PPP6C: variants seen among roughly 807,000 people sequenced by gnomAD.
The protein encoded by PPP6C is serine/threonine-protein phosphatase 6 catalytic subunit.
Under a neutral mutation model 39.8 loss-of-function variants are expected in PPP6C, and 11 were observed. The observed-to-expected ratio is 0.28, with a 90% CI of 0.17 to 0.46. PPP6C has a LOEUF of 0.46. PPP6C is among the 20% of genes least tolerant of loss of function. The probability of loss-of-function intolerance (pLI) is 1.00; values close to 1 mark genes in which losing one functional copy is unlikely to be tolerated. For missense variants in PPP6C, 211 were observed against 373.9 expected, an observed-to-expected ratio of 0.56 and a Z score of 3.59; for synonymous variants, 129 against 130.3, an observed-to-expected ratio of 0.99 and a Z score of 0.07.
chr9:125,186,376 A>T (rs1829530613), intron 1 of PPP6C, among the ~76,000 whole-genome samples: 1 of 152,062 alleles, frequency 6.6e-6, no homozygotes, highest in Non-Finnish European at 1.5e-5. Flanking sequence ...ACAGAAAAAA[A>T]AGTCTCTACC....
intron 1 of PPP6C, among the ~76,000 whole-genome samples, chr9:125,175,354 G>A (rs1264860331): frequency 1.3e-5 from 2 of 151,324 alleles, no homozygotes; most frequent in East Asian, 2.0e-4. Flanking sequence ...AATTACCTAC[G>A]CCGGCCGGGC....
chr9:125,189,776 C>CGGCTGT lies in PPP6C; in HGVS notation c.-59_-58insACAGCC. 3.3e-6 allele frequency: 5 copies of CGGCTGT among 1,535,760 alleles called. No individual in the cohort carries two copies. The South Asian group carries it at 3.6e-5, about 11-fold the overall frequency. ...GCGGCGGCTGTAGCAGCGGCGGCGG[C>CGGCTGT]AGCGGCGGAGGCCGAAGCCGGAACT... is the stretch of plus-strand genomic sequence containing the variant. On this transcript the variant is annotated 5_prime_UTR_variant, in exon 1 of 7. Coordinates refer to ENST00000373547, the MANE Select transcript of PPP6C (RefSeq NM_002721.5).
At chr9:125,154,367 T>C (rs1376143243) in intron 4 of PPP6C, among the ~76,000 whole-genome samples, 1 of 152,190 alleles carries the variant, frequency 6.6e-6, no homozygotes, top group Non-Finnish European at 1.5e-5. Flanking sequence ...CTAAATATCA[T>C]AAGGAAATAG....
chr9:125,164,886 G>A (rs1179287168), intron 2 of PPP6C, among the ~76,000 whole-genome samples: 1 of 152,116 alleles, frequency 6.6e-6, no homozygotes, highest in Non-Finnish European at 1.5e-5. Context: ...CTACAGTCAT[G>A]TGCCACCATG....
chr9:125,172,676 A>C (rs1167303055), intron 1 of PPP6C, among the ~76,000 whole-genome samples: 1 of 152,024 alleles, frequency 6.6e-6, no homozygotes, highest in Non-Finnish European at 1.5e-5. Flanking sequence ...AGTTGGATAC[A>C]TGAGCCCTTA....
At chr9:125,163,136 C>A (rs961971802) in intron 2 of PPP6C, among the ~76,000 whole-genome samples, 25 of 151,652 alleles carry the variant, frequency 1.6e-4, no homozygotes, top group Non-Finnish European at 2.9e-5. Flanking sequence ...GCCTTCATGA[C>A]TAACATAAGT....
chr9:125,151,656 T>C (rs1564145145), intron 6 of PPP6C: 7 of 589,050 alleles, frequency 1.2e-5, no homozygotes, highest in Non-Finnish European at 1.8e-5. Flanking sequence ...CCTTGGTATT[T>C]GATGACGAAT....
Position 125,173,368 on chromosome 9 carries a change from T to C in PPP6C, c.76-2188A>G, listed in dbSNP as rs190892834. ...TTGCAGTGAGCCGAGATTGCACCCATTGCACTCCAGCCTGGGCAGCAGAGA... is the reference window on the plus strand; with the variant it reads ...TTGCAGTGAGCCGAGATTGCACCCACTGCACTCCAGCCTGGGCAGCAGAGA... On this transcript the variant is annotated intron_variant, in intron 1 of 6. Transcript: ENST00000373547. Among the ~76,000 whole-genome samples the C allele has an allele frequency of 6.1e-3, 847 of 139,026 alleles. 3 individuals are homozygous for C. Among genetic ancestry groups the C allele is most frequent in the Non-Finnish European group, 9.4e-3 (620 of 65,956 alleles). 91.2% of individuals were successfully genotyped at this position (139,026 alleles called of 152,430 possible). A position where few individuals can be genotyped will look rare whatever the true frequency, so the allele number is the denominator to read the frequency against.
chr9:125,148,808 C>CGT lies in PPP6C; in HGVS notation c.*864_*865insAC. 6.6e-6 allele frequency: 1 copy of CGT among 152,012 alleles called. No homozygotes were observed. Among genetic ancestry groups the CGT allele is most frequent in the African/African-American group, 2.4e-5 (1 of 41,400 alleles). The allele number at this position is 152,012 out of a possible 1,614,324, so 9.4% of individuals were successfully genotyped here. Reference sequence around the variant, plus strand: ...TTACTATAGAGGATATAAACCAAAACATTAATATGGCAGTTATGTTCTTTA... The same window carrying CGT: ...TTACTATAGAGGATATAAACCAAAACGTATTAATATGGCAGTTATGTTCTTTA... On this transcript the variant is annotated 3_prime_UTR_variant, in exon 7 of 7. Coordinates refer to ENST00000373547, the MANE Select transcript of PPP6C (RefSeq NM_002721.5).
intron 2 of PPP6C, among the ~76,000 whole-genome samples, chr9:125,165,499 G>T (rs1828992210): frequency 6.6e-6 from 1 of 152,110 alleles, no homozygotes; most frequent in Non-Finnish European, 1.5e-5. Context: ...AGTGAGAGGA[G>T]AATTCACATT....
intron 1 of PPP6C, 171 bp downstream of exon 1, chr9:125,189,473 C>G: frequency 6.9e-7 from 1 of 1,444,372 alleles, no homozygotes; most frequent in Admixed American, 2.9e-5. Flanking sequence ...CATTCGACGA[C>G]TCGGCTCGCG....
At chr9:125,180,781 T>C (rs1158123543) in intron 1 of PPP6C, among the ~76,000 whole-genome samples, 5 of 152,176 alleles carry the variant, frequency 3.3e-5, no homozygotes, top group African/African-American at 1.2e-4. Context: ...TCCTAGTCCA[T>C]AAGGCCTCCT....
chr9:125,162,457 CAAAAAA>C (rs977223135), intron 2 of PPP6C, among the ~76,000 whole-genome samples: 20 of 70,978 alleles, frequency 2.8e-4, no homozygotes, highest in Non-Finnish European at 4.4e-4. Flanking sequence ...GATTCTGTCT[CAAAAAA>C]AAAAAAAAAA....
chr9:125,162,813 C>T (rs991255735), intron 2 of PPP6C, among the ~76,000 whole-genome samples: 12 of 150,488 alleles, frequency 8.0e-5, no homozygotes, highest in Non-Finnish European at 1.3e-4. Context: ...CACAGAGGCT[C>T]ACGCCTGTAA....
intron 2 of PPP6C, among the ~76,000 whole-genome samples, chr9:125,162,775 C>CAA (rs143453437): frequency 6.2e-5 from 7 of 112,826 alleles, no homozygotes; most frequent in African/African-American, 9.8e-5. Flanking sequence ...GACTCCGTCT[C>CAA]AAAAAAAAAA....
chr9:125,186,133 T>C (rs989751696), intron 1 of PPP6C, among the ~76,000 whole-genome samples: 1 of 152,086 alleles, frequency 6.6e-6, no homozygotes, highest in African/African-American at 2.4e-5. Flanking sequence ...TTCTGTCTTC[T>C]TTTCTACAGA....
intron 2 of PPP6C, 112 bp from the exon 3 acceptor site, chr9:125,161,018 A>G (rs1828862639): frequency 3.3e-6 from 2 of 609,424 alleles, no homozygotes; most frequent in Admixed American, 3.9e-5. Flanking sequence ...AAATATTTAC[A>G]TTTTTAAGAA....
At chr9:125,154,361 A>C (rs760210799) in intron 4 of PPP6C, among the ~76,000 whole-genome samples, 1 of 152,226 alleles carries the variant, frequency 6.6e-6, no homozygotes, top group Non-Finnish European at 1.5e-5. Flanking sequence ...ACTGTACTAA[A>C]TATCATAAGG....
intron 6 of PPP6C, chr9:125,150,629 CT>C: frequency 1.0e-6 from 1 of 958,812 alleles, no homozygotes; most frequent in African/African-American, 1.7e-5. Flanking sequence ...GTGAAGAGTG[CT>C]TAGGGTAGTT....
Sources: gnomAD v4.1 joint callset for allele counts (sites outside exome capture counted in the v4.1 genomes callset) on GRCh38, gnomAD v4.1.1 for gene constraint, MANE v1.5 for transcripts, NCBI Gene and HGNC (gene_info 2026-07-23, HGNC 2026-07-21) for gene names.